Variants in DNAH3 observed in about 807,000 individuals in gnomAD.
DNAH3 encodes the protein axonemal beta dynein heavy chain 3.
DNAH3 carries 332 observed loss-of-function variants against 432.5 expected under a neutral mutation model. The observed-to-expected ratio is 0.77, with a 90% CI of 0.70 to 0.84. The LOEUF (loss-of-function observed/expected upper bound fraction) is 0.84, where lower values mean the gene tolerates loss of function less well. Ranked by LOEUF, DNAH3 falls within the 40% of genes least tolerant of loss-of-function variation. The probability of loss-of-function intolerance (pLI) is 0.00; values close to 1 mark genes in which losing one functional copy is unlikely to be tolerated. For missense variants in DNAH3, 4,861 were observed against 5,114.0 expected (o/e 0.95, Z 1.51); for synonymous variants, 1,956 against 1,900.2 (o/e 1.03, Z -0.76).
intron 1 of DNAH3, among the ~76,000 whole-genome samples, chr16:21,156,296 A>C (rs901489957): frequency 6.6e-6 from 1 of 151,442 alleles, no homozygotes; most frequent in Admixed American, 6.6e-5. Context: ...CAGTGGTGCA[A>C]TCTCAGCTCA....
At chr16:21,036,895 T>A in intron 34 of DNAH3, 47 bp from the exon 35 acceptor site, 1 of 1,478,084 alleles carries the variant, frequency 6.8e-7, no homozygotes. Flanking sequence ...AAGTATCAGA[T>A]ATATGACCTC....
intron 20 of DNAH3, 45 bp from the exon 21 acceptor site, chr16:21,075,606 A>T: frequency 6.9e-7 from 1 of 1,452,530 alleles, no homozygotes; most frequent in South Asian, 1.1e-5. Context: ...GGAGGCAGAG[A>T]AGACACATCA....
intron 41 of DNAH3, among the ~76,000 whole-genome samples, chr16:21,016,318 A>T (rs1162951332): frequency 6.6e-6 from 1 of 152,236 alleles, no homozygotes; most frequent in Non-Finnish European, 1.5e-5. Context: ...GTACAGAATG[A>T]TCTTATATTT....
At chr16:21,155,040 C>T (rs891149699) in intron 1 of DNAH3, among the ~76,000 whole-genome samples, 1 of 150,550 alleles carries the variant, frequency 6.6e-6, no homozygotes, top group African/African-American at 2.4e-5. Flanking sequence ...ACCTCCACCT[C>T]CTGGGTTCAA....
chr16:21,158,015 C>CA, intron 1 of DNAH3, among the ~76,000 whole-genome samples: 1 of 152,186 alleles, frequency 6.6e-6, no homozygotes, highest in South Asian at 2.1e-4. Flanking sequence ...TATTCCGCCC[C>CA]AAATGTCAAT....
exon 53 of DNAH3, chr16:20,965,133 T>C (rs773915164): frequency 1.2e-6 from 2 of 1,614,178 alleles, no homozygotes; most frequent in Non-Finnish European, 1.7e-6. Flanking sequence ...TCTGCATCTG[T>C]GCAGCCAGCT....
At chr16:20,935,543 T>A in intron 60 of DNAH3, 58 bp from the exon 61 acceptor site, 1 of 1,568,974 alleles carries the variant, frequency 6.4e-7, no homozygotes, top group Non-Finnish European at 8.7e-7. Context: ...ATAGTTCAAA[T>A]GCAAGTAATG....
At chr16:21,068,396 C>A (rs2090656655) in intron 23 of DNAH3, among the ~76,000 whole-genome samples, 1 of 151,550 alleles carries the variant, frequency 6.6e-6, no homozygotes, top group Non-Finnish European at 1.5e-5. Context: ...CTCACTGCAA[C>A]CTCTGCCTCC....
At chr16:21,126,332 G>A (rs2092446011) in intron 8 of DNAH3, among the ~76,000 whole-genome samples, 1 of 152,118 alleles carries the variant, frequency 6.6e-6, no homozygotes, top group South Asian at 2.1e-4. Context: ...AACCAGAGAA[G>A]CACTACTACT....
At chr16:21,098,652 A>G in exon 17 of DNAH3, 1 of 1,613,022 alleles carries the variant, frequency 6.2e-7, no homozygotes, top group Non-Finnish European at 8.5e-7. Context: ...GGTTCTTTGA[A>G]AGCTCATTAA....
intron 56 of DNAH3, among the ~76,000 whole-genome samples, chr16:20,950,159 T>C (rs2084247711): frequency 6.6e-6 from 1 of 152,184 alleles, no homozygotes; most frequent in South Asian, 2.1e-4. Flanking sequence ...CAGGCGCACT[T>C]CTTTGGAGAT....
At chr16:20,959,125 CCTGAT>C in intron 54 of DNAH3, 49 bp downstream of exon 54, 1 of 1,560,906 alleles carries the variant, frequency 6.4e-7, no homozygotes, top group Non-Finnish European at 8.8e-7. Context: ...CAGCCACCAT[CCTGAT>C]GTCTGGAGGT....
At chr16:20,951,444 C>CTTT (rs746116786) in intron 56 of DNAH3, among the ~76,000 whole-genome samples, 1 of 144,156 alleles carries the variant, frequency 6.9e-6, no homozygotes, top group Non-Finnish European at 1.5e-5. Context: ...ACTATGTTAC[C>CTTT]TTTTTTTTTT....
At chr16:21,062,509 T>G in exon 25 of DNAH3, 1 of 1,614,186 alleles carries the variant, frequency 6.2e-7, no homozygotes, top group Non-Finnish European at 8.5e-7. Context: ...AGATTTTCTG[T>G]ATGAATGGAA....
At chr16:20,985,800 G>A (rs1265727505) in intron 47 of DNAH3, 85 bp from the exon 48 acceptor site, 4 of 1,371,400 alleles carry the variant, frequency 2.9e-6, no homozygotes, top group East Asian at 2.3e-5. Context: ...GGGCATGGGA[G>A]ACGTGGCTTA....
intron 44 of DNAH3, among the ~76,000 whole-genome samples, chr16:20,996,529 G>A (rs1049795511): frequency 4.0e-5 from 6 of 151,874 alleles, no homozygotes; most frequent in Admixed American, 6.6e-5. Context: ...GTGCCATCTC[G>A]GCTCACTGCA....
At chr16:21,066,171 T>C (rs28712525) in intron 24 of DNAH3, among the ~76,000 whole-genome samples, 1 of 152,098 alleles carries the variant, frequency 6.6e-6, no homozygotes, top group African/African-American at 2.4e-5. Context: ...TTTTTTTTGT[T>C]TTTTTTGGTA....
intron 37 of DNAH3, among the ~76,000 whole-genome samples, chr16:21,030,108 G>C (rs1249198986): frequency 6.6e-6 from 1 of 152,058 alleles, no homozygotes; most frequent in Non-Finnish European, 1.5e-5. Flanking sequence ...TTACACGTGT[G>C]AGCCTATAGG....
intron 37 of DNAH3, among the ~76,000 whole-genome samples, chr16:21,028,980 C>A (rs1460081017): frequency 6.6e-6 from 1 of 152,196 alleles, no homozygotes; most frequent in Non-Finnish European, 1.5e-5. Context: ...AAGATCACAG[C>A]TGTTACAAGG....
Sources: allele counts gnomAD v4.1 joint callset (sites outside exome capture counted in the v4.1 genomes callset), GRCh38; gene constraint gnomAD v4.1.1; transcripts MANE v1.5; gene names NCBI Gene and HGNC (gene_info 2026-07-23, HGNC 2026-07-21).